The following ARHGAP23 variants were observed in gnomAD, a reference collection of about 807,000 sequenced individuals.
ARHGAP23 encodes the protein Rho GTPase activating protein 23.
A neutral mutation model predicts 136.3 loss-of-function variants in ARHGAP23; 34 were observed. The observed-to-expected ratio is 0.25, with a 90% CI of 0.19 to 0.33. The LOEUF (loss-of-function observed/expected upper bound fraction) is 0.33, where lower values mean the gene tolerates loss of function less well. Among genes scored for constraint, ARHGAP23 ranks in the 10% least tolerant of loss-of-function variants. The pLI, the probability that ARHGAP23 is intolerant of heterozygous loss-of-function variation, is 1.00. For synonymous variants in ARHGAP23, 832 were observed against 920.5 expected, an observed-to-expected ratio of 0.90 and a Z score of 1.74; for missense variants, 1,808 against 2,139.0, an observed-to-expected ratio of 0.85 and a Z score of 3.05.
At chr17:38,481,664 A>C (rs539798679) in intron 14 of ARHGAP23, among the ~76,000 whole-genome samples, 1 of 152,140 alleles carries the variant, frequency 6.6e-6, no homozygotes, top group African/African-American at 2.4e-5. Context: ...GAGGCTGGGG[A>C]GGGAAGATTG....
upstream of ARHGAP23, among the ~76,000 whole-genome samples, chr17:38,424,092 G>A (rs183775020): frequency 1.3e-4 from 19 of 150,646 alleles, no homozygotes; most frequent in Admixed American, 1.2e-3. Flanking sequence ...CTGGGGGCTG[G>A]GGCGCAGGGA....
In ARHGAP23 at chr17:38,471,848, G is replaced by C; in HGVS notation, c.1975-15G>C. On this transcript the variant is annotated splice_polypyrimidine_tract_variant and intron_variant, in intron 10 of 23. Coordinates refer to ENST00000622683, the MANE Select transcript of ARHGAP23 (RefSeq NM_001199417.2). ...TGGGAGCCACCCTAAATTGTCCTCT[G>C]TTGTCTCCCTGCAGTCCTTGGATAG... 1 of 1,527,514 alleles carries C rather than the reference G, an allele frequency of 6.5e-7. No homozygotes were observed. The highest frequency in any genetic ancestry group is 1.4e-5 in the African/African-American group (1 of 72,158). 94.6% of individuals were successfully genotyped at this position (1,527,514 alleles called of 1,614,324 possible).
At chr17:38,486,039 C>T (rs2040153033) in intron 16 of ARHGAP23, 23 bp from the exon 17 acceptor site, 5 of 1,549,364 alleles carry the variant, frequency 3.2e-6, no homozygotes, top group African/African-American at 1.4e-5. Context: ...CTGCCTGTGC[C>T]TGACATCTGA....
At chr17:38,474,334 C>G in intron 11 of ARHGAP23, among the ~76,000 whole-genome samples, 1 of 152,148 alleles carries the variant, frequency 6.6e-6, no homozygotes, top group East Asian at 1.9e-4. Context: ...GGGGCCCTGA[C>G]CCAAGGCAGT....
At position 38,454,684 on chromosome 17, in the gene ARHGAP23, C is replaced by G. The variant is rs905343985; in HGVS notation, c.64-3418C>G. Among the ~76,000 whole-genome samples the G allele has an allele frequency of 6.6e-5, 10 of 152,178 alleles. No individual in the cohort carries two copies. In the South Asian group the frequency reaches 1.7e-3, roughly 25 times the overall value. ...GCTGGGCTGGGGGACTGCCGTGTTT[C>G]TGATGTCCGGGATGGACCAGGCTGG... On this transcript the variant is annotated intron_variant, in intron 1 of 23. Transcript: ENST00000622683.
intron 7 of ARHGAP23, among the ~76,000 whole-genome samples, chr17:38,467,707 CATCT>C (rs1487913134): frequency 4.6e-5 from 7 of 151,788 alleles, no homozygotes; most frequent in Non-Finnish European, 7.4e-5. Context: ...TCTATCCATC[CATCT>C]ATTCTTCCTT....
intron 1 of ARHGAP23, among the ~76,000 whole-genome samples, chr17:38,419,580 T>TCA (rs60358190): frequency 0.12 from 16,458 of 142,978 alleles, 924 homozygotes; most frequent in East Asian, 0.18. Context: ...GACACAGAGC[T>TCA]CACACACACA....
chr17:38,459,595 G>T (rs2039410889), intron 2 of ARHGAP23, among the ~76,000 whole-genome samples: 1 of 152,176 alleles, frequency 6.6e-6, no homozygotes, highest in Non-Finnish European at 1.5e-5. Flanking sequence ...CTTCTCTCAG[G>T]AGACCCTGCT....
Position 38,511,763 on chromosome 17 carries a change from C to G in ARHGAP23, c.*791C>G, listed in dbSNP as rs1304286299. ...TTTTGGTGGGGGGGGTCCAGGGTCC[C>G]CCTTGCTGGTACCTCCCTCACCCCT... On this transcript the variant is annotated 3_prime_UTR_variant, in exon 24 of 24. Coordinates refer to ENST00000622683, the MANE Select transcript of ARHGAP23 (RefSeq NM_001199417.2). The G allele has an allele frequency of 2.0e-5, 3 of 152,210 alleles. No homozygotes were observed. The highest frequency in any genetic ancestry group is 1.3e-4 in the Admixed American group (2 of 15,270). The allele number at this position is 152,210 out of a possible 1,614,324, so 9.4% of individuals were successfully genotyped here.
chr17:38,439,890 C>T (rs555423080), intron 1 of ARHGAP23, among the ~76,000 whole-genome samples: 23 of 150,808 alleles, frequency 1.5e-4, no homozygotes, highest in Middle Eastern at 3.5e-3. Context: ...TTCTCCTGCC[C>T]GGCTAATTTT....
rs548841276 is a variant in ARHGAP23, at chr17:38,465,165, G to A, written c.484-1002G>A. 8.7e-4 allele frequency among the ~76,000 whole-genome samples: 132 copies of A among 151,802 alleles called. 2 individuals are homozygous for A. The South Asian group carries it at 0.024, about 27-fold the overall frequency. On this transcript the variant is annotated intron_variant, in intron 6 of 23. Coordinates refer to ENST00000622683, the MANE Select transcript of ARHGAP23 (RefSeq NM_001199417.2). Reference sequence around the variant, plus strand: ...GATGCCGGGAGCCTGGGGAGACGGCGGGATGGCAGGAGGGAGAGGTATGTG... The same window carrying A: ...GATGCCGGGAGCCTGGGGAGACGGCAGGATGGCAGGAGGGAGAGGTATGTG...
At chr17:38,480,939 C>A (rs554164295) in intron 14 of ARHGAP23, among the ~76,000 whole-genome samples, 3 of 151,992 alleles carry the variant, frequency 2.0e-5, no homozygotes, top group African/African-American at 7.2e-5. Context: ...TTGAGACCAG[C>A]CTGGGTAACA....
intron 1 of ARHGAP23, among the ~76,000 whole-genome samples, chr17:38,434,170 T>C (rs942439868): frequency 6.6e-6 from 1 of 151,964 alleles, no homozygotes; most frequent in Non-Finnish European, 1.5e-5. Flanking sequence ...GGGTGTATGG[T>C]GGTGGCAGTG....
Position 38,500,618 on chromosome 17 carries a change from C to T in ARHGAP23, c.3437C>T (p.Ala1146Val). 6.5e-7 allele frequency: 1 copy of T among 1,549,316 alleles called. No homozygotes were observed. Among genetic ancestry groups the T allele is most frequent in the Non-Finnish European group, 8.7e-7 (1 of 1,146,706 alleles). ...ACAGATTCTACCACCTGTAGTTCAG[C>T]CAAGTCCAAGGTACGTATGAAGGCA... ...PGSDSTTCSS[A>V]KSKGSWAPKK... The change falls in exon 23 of 24, where the codon GCC becomes GTC. Residue 1146 changes from alanine to valine, a missense_variant. Physicochemically the swap from Ala to Val is moderately conservative, Grantham distance 64. Around this residue, in one of 7 missense-constraint regions of ARHGAP23, gnomAD observed 104 missense variants for 131.8 expected, o/e 0.79. Transcript: ENST00000622683.
chr17:38,489,301 A>G (rs777984125), intron 17 of ARHGAP23, among the ~76,000 whole-genome samples: 3 of 152,214 alleles, frequency 2.0e-5, no homozygotes, highest in Non-Finnish European at 4.4e-5. Context: ...CAGTGCTTTT[A>G]TAATTTTCAC....
At chr17:38,467,583 C>T (rs1447499410) in intron 7 of ARHGAP23, among the ~76,000 whole-genome samples, 4 of 152,100 alleles carry the variant, frequency 2.6e-5, no homozygotes, top group African/African-American at 9.7e-5. Context: ...TTTCCACGCA[C>T]TCTTTCTTTT....
intron 20 of ARHGAP23, among the ~76,000 whole-genome samples, chr17:38,494,226 C>G (rs967139164): frequency 6.6e-6 from 1 of 152,210 alleles, no homozygotes; most frequent in African/African-American, 2.4e-5. Context: ...TGCTGTGCCT[C>G]AGTCTCCACA....
At chr17:38,502,758 A>G (rs1238163514) in intron 23 of ARHGAP23, among the ~76,000 whole-genome samples, 1 of 152,232 alleles carries the variant, frequency 6.6e-6, no homozygotes, top group Non-Finnish European at 1.5e-5. Context: ...TTAAAAGATG[A>G]AAGCAGCCAG....
chr17:38,494,850 A>T (rs1027917716), intron 20 of ARHGAP23, among the ~76,000 whole-genome samples: 7 of 152,166 alleles, frequency 4.6e-5, no homozygotes, highest in Admixed American at 2.6e-4. Flanking sequence ...GGCAGGAACT[A>T]GTGTGGATTC....
Sources: gnomAD v4.1 joint callset for allele counts (sites outside exome capture counted in the v4.1 genomes callset) on GRCh38, gnomAD v4.1.1 for gene constraint, gnomAD v4.1.1 regional missense constraint, MANE v1.5 for transcripts, NCBI Gene and HGNC (gene_info 2026-07-23, HGNC 2026-07-21) for gene names.